Variants in CADPS2 observed in about 807,000 individuals in gnomAD.
The protein encoded by CADPS2 is calcium dependent secretion activator 2.
Under a neutral mutation model 172.5 loss-of-function variants are expected in CADPS2, and 93 were observed. That is an observed-to-expected ratio of 0.54 (90% CI 0.46 to 0.64). The LOEUF is 0.64. Ranked by LOEUF, CADPS2 falls within the 30% of genes least tolerant of loss-of-function variation. CADPS2 has a pLI of 0.00. For synonymous variants in CADPS2, 546 were observed against 555.2 expected (o/e 0.98, Z 0.23); for missense variants, 1,420 against 1,565.9 (o/e 0.91, Z 1.57).
At chr7:122,677,184 T>A (rs1362223586) in intron 2 of CADPS2, among the ~76,000 whole-genome samples, 1 of 152,244 alleles carries the variant, frequency 6.6e-6, no homozygotes, top group Admixed American at 6.5e-5. Context: ...CAAACCAATA[T>A]GCCTGTGGCT....
intron 9 of CADPS2, among the ~76,000 whole-genome samples, chr7:122,498,460 A>G (rs146011839): frequency 6.6e-6 from 1 of 152,172 alleles, no homozygotes; most frequent in African/African-American, 2.4e-5. Context: ...TAATGCCTTT[A>G]TTCAAATCCT....
intron 7 of CADPS2, among the ~76,000 whole-genome samples, chr7:122,566,183 G>A (rs990872745): frequency 3.9e-5 from 6 of 152,178 alleles, no homozygotes; most frequent in East Asian, 1.9e-4. Context: ...TCAGGGAAAC[G>A]CAAATAAAAC....
chr7:122,472,358 A>G (rs979308993), intron 13 of CADPS2, among the ~76,000 whole-genome samples: 1 of 150,036 alleles, frequency 6.7e-6, no homozygotes, highest in Non-Finnish European at 1.5e-5. Context: ...GGAAAGGAGG[A>G]AGAAAAGAAA....
intron 2 of CADPS2, among the ~76,000 whole-genome samples, chr7:122,683,113 T>G (rs975399500): frequency 1.3e-5 from 2 of 152,096 alleles, no homozygotes; most frequent in African/African-American, 4.8e-5. Flanking sequence ...TGTGGATGAT[T>G]TTATTTGGTG....
intron 1 of CADPS2, among the ~76,000 whole-genome samples, chr7:122,782,380 T>A (rs1180495483): frequency 6.6e-6 from 1 of 152,166 alleles, no homozygotes; most frequent in African/African-American, 2.4e-5. Flanking sequence ...CAGTAGCAAA[T>A]CTTTATTCTA....
chr7:122,477,616 T>C lies in CADPS2; in HGVS notation c.1862-3099A>G, dbSNP rs974836696. ...TGTAAGGCAACAATAGCATCAAAGC[T>C]AGGAGGAGAGAAACAGATGTAATAC... On this transcript the variant is annotated intron_variant, in intron 12 of 29. Transcript: ENST00000449022. 2.0e-5 allele frequency among the ~76,000 whole-genome samples: 3 copies of C among 148,072 alleles called. No individual in the cohort carries two copies. The Admixed American group carries it at 2.0e-4, about 10-fold the overall frequency.
At chr7:122,453,943 G>A (rs2053445920) in intron 14 of CADPS2, among the ~76,000 whole-genome samples, 1 of 152,164 alleles carries the variant, frequency 6.6e-6, no homozygotes, top group Admixed American at 6.5e-5. Context: ...AAATCTGACA[G>A]TTAAATACCA....
rs1220418955 is a variant in CADPS2 at position 122,416,138 on chromosome 7, T to C, written c.2503A>G (p.Arg835Gly). 6.5e-7 allele frequency: 1 copy of C among 1,550,114 alleles called. No individual in the cohort carries two copies. The highest frequency in any genetic ancestry group is 1.4e-5 in the African/African-American group (1 of 73,856). Reference protein sequence around the residue: ...EETMNQASPARKLEEILHLAE... With the variant: ...EETMNQASPAGKLEEILHLAE... ...AGATGAAGAATCTCTTCCAGCTTTC[T>C]AGCAGGAGATGCCTGGTTCATGGTC... is the stretch of plus-strand genomic sequence containing the variant. Residue 835 changes from arginine to glycine, a missense_variant, in exon 18 of 30, where the codon AGA becomes GGA. By Grantham distance (125) the Arg-to-Gly change is moderately radical. Coordinates refer to ENST00000449022, the MANE Select transcript of CADPS2 (RefSeq NM_017954.11).
intron 8 of CADPS2, among the ~76,000 whole-genome samples, chr7:122,540,251 A>G (rs2062779950): frequency 6.6e-6 from 1 of 152,150 alleles, no homozygotes; most frequent in Admixed American, 6.6e-5. Context: ...AAAACTAAAA[A>G]ATTTAGAATA....
At position 122,698,455 on chromosome 7, in the gene CADPS2, A is replaced by G. The variant is rs760743921; in HGVS notation, c.454-34886T>C. On this transcript the variant is annotated intron_variant, in intron 2 of 29. Transcript: ENST00000449022. Reference sequence around the variant, plus strand: ...AATTTCCGTGCCTTTTAAGTTACCAATCATAACCACAACGACATCTTCAAA... The same window carrying G: ...AATTTCCGTGCCTTTTAAGTTACCAGTCATAACCACAACGACATCTTCAAA... The G allele has an allele frequency of 1.2e-5, 19 of 1,613,818 alleles. No homozygotes were observed. The East Asian group carries it at 2.2e-4, about 19-fold the overall frequency.
At chr7:122,622,699 A>T (rs1354099490) in intron 4 of CADPS2, among the ~76,000 whole-genome samples, 1 of 152,188 alleles carries the variant, frequency 6.6e-6, no homozygotes, top group African/African-American at 2.4e-5. Context: ...CCTAGTTTAA[A>T]ATGACCACCA....
chr7:122,847,121 G>T (rs1220073990), intron 1 of CADPS2, among the ~76,000 whole-genome samples: 3 of 151,742 alleles, frequency 2.0e-5, no homozygotes, highest in Non-Finnish European at 4.4e-5. Context: ...GAGTCTTGCT[G>T]TGTTGTCCAG....
At chr7:122,705,542 ATAT>A (rs2086889963) in intron 2 of CADPS2, among the ~76,000 whole-genome samples, 2 of 119,950 alleles carry the variant, frequency 1.7e-5, no homozygotes, top group South Asian at 2.3e-4. Flanking sequence ...TCTATATTAT[ATAT>A]TATATATATT....
At chr7:122,687,765 A>T (rs1235975339) in intron 2 of CADPS2, among the ~76,000 whole-genome samples, 2 of 152,240 alleles carry the variant, frequency 1.3e-5, no homozygotes, top group East Asian at 3.8e-4. Flanking sequence ...ACATAGGGAT[A>T]CTACAAATTC....
intron 1 of CADPS2, among the ~76,000 whole-genome samples, chr7:122,831,036 G>A (rs1371690541): frequency 6.6e-6 from 1 of 152,112 alleles, no homozygotes; most frequent in Non-Finnish European, 1.5e-5. Flanking sequence ...TTAAAATTTA[G>A]GGGCCCTACT....
chr7:122,771,066 T>C (rs1401891471), intron 1 of CADPS2, among the ~76,000 whole-genome samples: 1 of 152,134 alleles, frequency 6.6e-6, no homozygotes, highest in Non-Finnish European at 1.5e-5. Flanking sequence ...AAAATGCCCA[T>C]ACTGAGGCTG....
At chr7:122,566,826 A>G (rs2066534689) in intron 7 of CADPS2, among the ~76,000 whole-genome samples, 1 of 152,162 alleles carries the variant, frequency 6.6e-6, no homozygotes, top group East Asian at 1.9e-4. Flanking sequence ...GAGAAATGAA[A>G]CCAAATTAAG....
At chr7:122,629,118 T>G in intron 4 of CADPS2, 130 bp downstream of exon 4, 1 of 586,022 alleles carries the variant, frequency 1.7e-6, no homozygotes, top group Non-Finnish European at 2.9e-6. Context: ...AAGAGGTCTA[T>G]GTGTAGAGGA....
chr7:122,688,277 C>T (rs980140609), intron 2 of CADPS2, among the ~76,000 whole-genome samples: 4 of 152,204 alleles, frequency 2.6e-5, no homozygotes, highest in Non-Finnish European at 5.9e-5. Flanking sequence ...AGAAAATTCA[C>T]ACCAGCAAGT....
Sources: gnomAD v4.1 joint callset for allele counts (sites outside exome capture counted in the v4.1 genomes callset) on GRCh38, gnomAD v4.1.1 for gene constraint, MANE v1.5 for transcripts, NCBI Gene and HGNC (gene_info 2026-07-23, HGNC 2026-07-21) for gene names.